GABBR2: variants seen among roughly 807,000 people sequenced by gnomAD.
GABBR2 encodes the protein gamma-aminobutyric acid type B receptor subunit 2.
In GABBR2, 23 loss-of-function variants were observed where a neutral mutation model predicts 105.6. The ratio of observed to expected loss-of-function variants is 0.22; its 90% CI spans 0.16 to 0.31. The LOEUF (loss-of-function observed/expected upper bound fraction) is 0.31, where lower values mean the gene tolerates loss of function less well. Among genes scored for constraint, GABBR2 ranks in the 10% least tolerant of loss-of-function variants. GABBR2 has a pLI of 1.00. For synonymous variants in GABBR2, 478 were observed against 499.7 expected, an observed-to-expected ratio of 0.96 and a Z score of 0.58; for missense variants, 734 against 1,245.5, an observed-to-expected ratio of 0.59 and a Z score of 6.18.
At chr9:98,311,485 G>T (rs1830636038) in intron 13 of GABBR2, among the ~76,000 whole-genome samples, 1 of 152,158 alleles carries the variant, frequency 6.6e-6, no homozygotes, top group Admixed American at 6.5e-5. Flanking sequence ...GTAGGAACTG[G>T]GTCACTTCTT....
intron 1 of GABBR2, among the ~76,000 whole-genome samples, chr9:98,670,578 C>T (rs565131634): frequency 1.1e-4 from 17 of 152,336 alleles, no homozygotes; most frequent in Admixed American, 3.3e-4. Flanking sequence ...GTGGAAGCAG[C>T]TCACATGCCT....
intron 1 of GABBR2, among the ~76,000 whole-genome samples, chr9:98,582,141 T>C (rs1829012020): frequency 1.3e-5 from 2 of 152,348 alleles, no homozygotes; most frequent in East Asian, 1.9e-4. Context: ...AGGGACTTTG[T>C]AGATGTCATG....
At chr9:98,545,631 A>G (rs548865363) in intron 2 of GABBR2, among the ~76,000 whole-genome samples, 2 of 152,348 alleles carry the variant, frequency 1.3e-5, no homozygotes, top group Non-Finnish European at 2.9e-5. Context: ...CCAGGTGATT[A>G]TGATGCTCAG....
At chr9:98,346,746 A>G (rs113512435) in intron 13 of GABBR2, among the ~76,000 whole-genome samples, 20 of 151,796 alleles carry the variant, frequency 1.3e-4, no homozygotes, top group Non-Finnish European at 2.1e-4. Flanking sequence ...ACTCTTTCCA[A>G]TCTCCAGTAC....
chr9:98,368,045 C>T (rs964561498), intron 12 of GABBR2, among the ~76,000 whole-genome samples: 2 of 152,000 alleles, frequency 1.3e-5, no homozygotes, highest in African/African-American at 2.4e-5. Context: ...TGAAGTTTAT[C>T]GCCGTCATTG....
intron 1 of GABBR2, among the ~76,000 whole-genome samples, chr9:98,639,476 T>C (rs1829928703): frequency 6.6e-6 from 1 of 151,964 alleles, no homozygotes; most frequent in Non-Finnish European, 1.5e-5. Flanking sequence ...CCACCACCCC[T>C]GGGAGAGGAA....
chr9:98,423,318 G>A (rs1262420209), intron 7 of GABBR2, among the ~76,000 whole-genome samples: 10 of 152,176 alleles, frequency 6.6e-5, no homozygotes, highest in Non-Finnish European at 7.4e-5. Flanking sequence ...GGTGTGAGAT[G>A]GTATCTCATT....
At chr9:98,503,610 G>A (rs1414582411) in intron 3 of GABBR2, among the ~76,000 whole-genome samples, 1 of 152,056 alleles carries the variant, frequency 6.6e-6, no homozygotes, top group Non-Finnish European at 1.5e-5. Context: ...GGTACATTCA[G>A]GACAACTAAT....
intron 13 of GABBR2, among the ~76,000 whole-genome samples, chr9:98,317,806 G>A (rs1830744603): frequency 1.3e-5 from 2 of 152,202 alleles, no homozygotes; most frequent in South Asian, 4.1e-4. Flanking sequence ...TGGAACGGGG[G>A]CTGCTCAACA....
intron 1 of GABBR2, among the ~76,000 whole-genome samples, chr9:98,593,690 C>A (rs1829181399): frequency 1.3e-5 from 2 of 152,194 alleles, no homozygotes; most frequent in Non-Finnish European, 2.9e-5. Context: ...GACAGTCCTT[C>A]CTAGCACACG....
chr9:98,393,161 T>TCCATCCACTCATCCACCAAC (rs1832222102), intron 9 of GABBR2, among the ~76,000 whole-genome samples: 1 of 5,502 alleles, frequency 1.8e-4, no homozygotes, highest in East Asian at 3.6e-3. Flanking sequence ...CACCAACCCA[T>TCCATCCACTCATCCACCAAC]CCATCCATCC....
intron 3 of GABBR2, among the ~76,000 whole-genome samples, chr9:98,518,288 G>T (rs1293268772): frequency 6.6e-6 from 1 of 152,138 alleles, no homozygotes; most frequent in East Asian, 1.9e-4. Context: ...TGAAGATGCC[G>T]TCTGTTTCTT....
intron 2 of GABBR2, among the ~76,000 whole-genome samples, chr9:98,564,915 TGGA>T (rs147429962): frequency 0.01 from 1,586 of 152,234 alleles, 22 homozygotes; most frequent in African/African-American, 0.034. Context: ...GAAGCCTTCC[TGGA>T]GGAGGAGGTA....
At chr9:98,393,370 CA>C (rs1832229368) in intron 9 of GABBR2, among the ~76,000 whole-genome samples, 1 of 112,156 alleles carries the variant, frequency 8.9e-6, no homozygotes, top group South Asian at 2.5e-4. Flanking sequence ...CATCCATCCA[CA>C]CACCCACTCA....
At position 98,473,233 on chromosome 9, in the gene GABBR2, C is replaced by T; in HGVS notation, c.912G>A (p.Arg304=). Residue 304 remains arginine, a synonymous_variant, in exon 6 of 19, where the codon CGG becomes CGA. Transcript: ENST00000259455. ...CCTCCATGGCAGCAAGCAGATTCTT[C>T]CGGAGGCAGCGGGATGAGTTGGCTT... is the stretch of plus-strand genomic sequence containing the variant. ...HTEANSSRCL[R]KNLLAAMEGY... 1.2e-6 allele frequency: 2 copies of T among 1,613,904 alleles called. No individual in the cohort carries two copies. Among genetic ancestry groups the T allele is most frequent in the South Asian group, 1.1e-5 (1 of 91,036 alleles).
intron 3 of GABBR2, among the ~76,000 whole-genome samples, chr9:98,502,563 T>C (rs982879796): frequency 2.6e-5 from 4 of 152,190 alleles, no homozygotes; most frequent in Admixed American, 2.0e-4. Context: ...CTGCATGCCC[T>C]GCCAGGCTCC....
At chr9:98,586,192 T>C (rs1184367125) in intron 1 of GABBR2, among the ~76,000 whole-genome samples, 2 of 151,994 alleles carry the variant, frequency 1.3e-5, no homozygotes, top group African/African-American at 4.8e-5. Flanking sequence ...GTTGAAGACC[T>C]CTGCGCCCAC....
chr9:98,679,960 C>T (rs991316143), intron 1 of GABBR2, among the ~76,000 whole-genome samples: 1 of 152,204 alleles, frequency 6.6e-6, no homozygotes, highest in Non-Finnish European at 1.5e-5. Flanking sequence ...TTACCTGCAT[C>T]TTTGGGCCTT....
chr9:98,628,490 A>G (rs1403896734), intron 1 of GABBR2, among the ~76,000 whole-genome samples: 2 of 152,164 alleles, frequency 1.3e-5, no homozygotes, highest in African/African-American at 4.8e-5. Flanking sequence ...GCTGCAAAAC[A>G]CTTGAGCTTG....
Sources: allele counts gnomAD v4.1 joint callset (sites outside exome capture counted in the v4.1 genomes callset), GRCh38; gene constraint gnomAD v4.1.1; transcripts MANE v1.5; gene names NCBI Gene and HGNC (gene_info 2026-07-23, HGNC 2026-07-21).